Variants in NFATC1 observed in about 807,000 individuals in gnomAD.
The protein encoded by NFATC1 is nuclear factor of activated T-cells, cytoplasmic 1.
In NFATC1, 22 loss-of-function variants were observed where a neutral mutation model predicts 76.0. The ratio of observed to expected loss-of-function variants is 0.29; its 90% CI spans 0.21 to 0.41. The LOEUF (loss-of-function observed/expected upper bound fraction) is 0.41. NFATC1 is among the 10% of genes least tolerant of loss of function. The probability of loss-of-function intolerance (pLI) is 1.00; values close to 1 mark genes in which losing one functional copy is unlikely to be tolerated. For synonymous variants in NFATC1, 704 were observed against 613.1 expected, an observed-to-expected ratio of 1.15 and a Z score of -2.19; for missense variants, 1,357 against 1,337.7, an observed-to-expected ratio of 1.01 and a Z score of -0.23.
At position 79,400,312 on chromosome 18, in the gene NFATC1, G is replaced by C. The variant is rs2085151405; in HGVS notation, c.127+3961G>C. ...GGGGCGGGGGTCACGTTACGCGGAG[G>C]ACGCGCGGGCAGCGCCGGGAGAACC... On this transcript the variant is annotated intron_variant, in intron 1 of 9. Transcript: ENST00000427363. 5.4e-6 allele frequency: 7 copies of C among 1,299,138 alleles called. No homozygotes were observed. The South Asian group carries it at 7.9e-5, about 15-fold the overall frequency. 80.5% of individuals were successfully genotyped at this position (1,299,138 alleles called of 1,614,324 possible). A position where few individuals can be genotyped will look rare whatever the true frequency, so the allele number is the denominator to read the frequency against.
At chr18:79,444,343 CCCCGTTCCT>C (rs1349020387) in intron 3 of NFATC1, among the ~76,000 whole-genome samples, 3 of 152,216 alleles carry the variant, frequency 2.0e-5, no homozygotes, top group Non-Finnish European at 4.4e-5. Context: ...GCCATGGCGT[CCCCGTTCCT>C]CCCGTTCCTT....
chr18:79,411,155 A>T lies in NFATC1; in HGVS notation c.880A>T (p.Ser294Cys). 6.2e-7 allele frequency: 1 copy of T among 1,612,322 alleles called. No individual in the cohort carries two copies. Among genetic ancestry groups the T allele is most frequent in the Non-Finnish European group, 8.5e-7 (1 of 1,179,820 alleles). Residue 294 changes from serine to cysteine, a missense_variant, in exon 2 of 10, where the codon AGC becomes TGC. This residue lies in a region of NFATC1 where 691 missense variants were observed against 613.1 expected (regional missense o/e 1.13). Transcript: ENST00000427363. ...GTCCCCGCACGGCTCCCCGCGGGTC[A>T]GCGTGACCGACGACTCGTGGTTGGG... is the stretch of plus-strand genomic sequence containing the variant. ...TPSPHGSPRV[S>C]VTDDSWLGNT... is the part of the protein sequence containing the mutation.
intron 3 of NFATC1, among the ~76,000 whole-genome samples, chr18:79,443,084 G>T (rs907947226): frequency 1.3e-5 from 2 of 152,192 alleles, no homozygotes; most frequent in Non-Finnish European, 2.9e-5. Flanking sequence ...TTTCAGTCGC[G>T]GCTGGAAGGT....
chr18:79,402,179 T>C (rs896208192), intron 1 of NFATC1, among the ~76,000 whole-genome samples: 1 of 152,264 alleles, frequency 6.6e-6, no homozygotes, highest in African/African-American at 2.4e-5. Context: ...GGCATCCTCC[T>C]GTGACTGCAC....
intron 1 of NFATC1, among the ~76,000 whole-genome samples, chr18:79,406,753 C>T (rs551369563): frequency 8.6e-4 from 131 of 152,196 alleles, no homozygotes; most frequent in African/African-American, 2.8e-3. Context: ...GGCCTGCGCT[C>T]GACAAAACCC....
Position 79,486,619 on chromosome 18 carries a change from C to G in NFATC1, c.2464C>G (p.Leu822Val). Residue 822 changes from leucine (L) to valine (V), a missense_variant, in exon 9 of 10, where the codon CTG (leucine) becomes GTG (valine). By Grantham distance (32) the Leu-to-Val change is conservative. Transcript: ENST00000427363. The part of the protein sequence containing the change: ...GSPGQPPPAL[L>V]PQQVSAPPSS... Reference sequence around the variant, plus strand: ...GCCCGGGCAGCCACCCCCGGCCCTGCTGCCACAGCAGGTGAGTGCGCCTCC... The same window carrying G: ...GCCCGGGCAGCCACCCCCGGCCCTGGTGCCACAGCAGGTGAGTGCGCCTCC... 2.5e-6 allele frequency: 4 copies of G among 1,598,626 alleles called. No homozygotes were observed. Among genetic ancestry groups the G allele is most frequent in the Non-Finnish European group, 3.4e-6 (4 of 1,176,176 alleles).
In NFATC1 at chr18:79,396,045, C is replaced by CT; in HGVS notation, c.-179dup. ...AGGGCTCGGAGCCACCGCGCAGGTCCTAGGGCCGCGGCCGGGCCCCGCCAC... is the reference window on the plus strand; with the variant it reads ...AGGGCTCGGAGCCACCGCGCAGGTCCTTAGGGCCGCGGCCGGGCCCCGCCAC... On this transcript the variant is annotated 5_prime_UTR_variant, in exon 1 of 10. Coordinates refer to ENST00000427363, the MANE Select transcript of NFATC1 (RefSeq NM_001278669.2). The CT allele has an allele frequency of 1.4e-6, 1 of 696,282 alleles. No homozygotes were observed. The highest frequency in any genetic ancestry group is 1.9e-6 in the Non-Finnish European group (1 of 532,416). The allele number at this position is 696,282 out of a possible 1,614,324, so 43.1% of individuals were successfully genotyped here.
intron 9 of NFATC1, among the ~76,000 whole-genome samples, chr18:79,511,205 C>G (rs1466719536): frequency 4.6e-5 from 7 of 152,222 alleles, no homozygotes; most frequent in African/African-American, 1.7e-4. Flanking sequence ...ATAGCCTCCA[C>G]AAGATTAATA....
Position 79,410,316 on chromosome 18 carries a change from G to A in NFATC1, c.128-87G>A, listed in dbSNP as rs2085620652. 1.3e-6 allele frequency: 2 copies of A among 1,522,642 alleles called. No homozygotes were observed. Among genetic ancestry groups the A allele is most frequent in the South Asian group, 2.6e-5 (2 of 78,310 alleles). The allele number at this position is 1,522,642 out of a possible 1,614,324, so 94.3% of individuals were successfully genotyped here. ...CCTTGGGGTCCGTTGGTCGAGGCCG[G>A]GGGTTGCTGGCCGGCCCTGAGTTCA... On this transcript the variant is annotated intron_variant, in intron 1 of 9. Coordinates refer to ENST00000427363, the MANE Select transcript of NFATC1 (RefSeq NM_001278669.2). This position sits in a 1 kb window ranked among gnomAD's most constrained non-coding sequence, Gnocchi z 6.7.
intron 9 of NFATC1, among the ~76,000 whole-genome samples, chr18:79,506,014 T>A (rs2090113941): frequency 1.3e-5 from 2 of 152,186 alleles, no homozygotes; most frequent in Non-Finnish European, 2.9e-5. Flanking sequence ...TCACTGAATT[T>A]TGTGCCCTTC....
At position 79,467,404 on chromosome 18, in the gene NFATC1, G is replaced by A. The variant is rs200125365; in HGVS notation, c.1960-46G>A. 6.5e-4 allele frequency: 970 copies of A among 1,487,134 alleles called. 8 individuals carry two copies. Among genetic ancestry groups the A allele is most frequent in the South Asian group, 4.1e-3 (309 of 74,814 alleles). The allele number at this position is 1,487,134 out of a possible 1,614,324, so 92.1% of individuals were successfully genotyped here. A position where few individuals can be genotyped will look rare whatever the true frequency, so the allele number is the denominator to read the frequency against. On this transcript the variant is annotated intron_variant, in intron 7 of 9. Coordinates refer to ENST00000427363, the MANE Select transcript of NFATC1 (RefSeq NM_001278669.2). Reference sequence around the variant, plus strand: ...TGGCCGCCGTGGCGCGGCAGCCATCGCCTGCCCGGTGCTGATTGTGCCTCC... The same window carrying A: ...TGGCCGCCGTGGCGCGGCAGCCATCACCTGCCCGGTGCTGATTGTGCCTCC...
chr18:79,439,883 G>C (rs1041564450), intron 3 of NFATC1, among the ~76,000 whole-genome samples: 1 of 152,202 alleles, frequency 6.6e-6, no homozygotes, highest in African/African-American at 2.4e-5. Flanking sequence ...GGAGACCAAC[G>C]TGGAATGAGG....
intron 1 of NFATC1, among the ~76,000 whole-genome samples, chr18:79,401,058 C>A (rs945160994): frequency 1.3e-4 from 18 of 141,110 alleles, no homozygotes; most frequent in African/African-American, 4.8e-4. Context: ...TTCATTTTCT[C>A]TTCTCTGTGT....
chr18:79,524,496 G>C lies in NFATC1; in HGVS notation c.2783-3032G>C, dbSNP rs2090697548. Reference sequence around the variant, plus strand: ...CCTGGAGGGTGCCTGGGCTGTGTCTGGTCCCGGCCACGCGTCCCTGCAGCG... The same window carrying C: ...CCTGGAGGGTGCCTGGGCTGTGTCTCGTCCCGGCCACGCGTCCCTGCAGCG... On this transcript the variant is annotated intron_variant, in intron 9 of 9. Coordinates refer to ENST00000427363, the MANE Select transcript of NFATC1 (RefSeq NM_001278669.2). This position sits in a 1 kb window ranked among gnomAD's most constrained non-coding sequence, Gnocchi z 7.2. 1.3e-5 allele frequency among the ~76,000 whole-genome samples: 2 copies of C among 152,214 alleles called. No homozygotes were observed. The highest frequency in any genetic ancestry group is 2.4e-5 in the African/African-American group (1 of 41,460).
chr18:79,514,564 CAAAAAAAAAA>C (rs61341859), intron 9 of NFATC1, among the ~76,000 whole-genome samples: 6 of 47,240 alleles, frequency 1.3e-4, no homozygotes, highest in Middle Eastern at 0.021. Flanking sequence ...GACCCTGCCT[CAAAAAAAAAA>C]AAAAAAAAAA....
At chr18:79,420,143 GTGTTT>G (rs2086021608) in intron 2 of NFATC1, among the ~76,000 whole-genome samples, 1 of 152,208 alleles carries the variant, frequency 6.6e-6, no homozygotes, top group African/African-American at 2.4e-5. Flanking sequence ...TGCGACAGAT[GTGTTT>G]CCAGGCGAGG....
chr18:79,445,204 G>A (rs1351607583), intron 3 of NFATC1, among the ~76,000 whole-genome samples: 1 of 152,244 alleles, frequency 6.6e-6, no homozygotes, highest in Non-Finnish European at 1.5e-5. Context: ...ACCGTGTGCT[G>A]TTGACTCATC....
At chr18:79,514,668 A>G (rs2090336996) in intron 9 of NFATC1, among the ~76,000 whole-genome samples, 1 of 151,212 alleles carries the variant, frequency 6.6e-6, no homozygotes, top group Non-Finnish European at 1.5e-5. Flanking sequence ...GTTTTCTTAC[A>G]TAGCCACAGT....
rs2086954619 is a variant in NFATC1, at chr18:79,441,019, G to A, written c.1386+7281G>A. On this transcript the variant is annotated intron_variant, in intron 3 of 9. Coordinates refer to ENST00000427363, the MANE Select transcript of NFATC1 (RefSeq NM_001278669.2). ...ACCTCCCTCCTCCAGGCAGGACACC[G>A]GGCCTTGTCTGTGGACAGAGGCGCT... 3.3e-5 allele frequency among the ~76,000 whole-genome samples: 5 copies of A among 152,196 alleles called. No individual in the cohort carries two copies. In the South Asian group the frequency reaches 8.3e-4, roughly 25 times the overall value.
Sources: allele counts gnomAD v4.1 joint callset (sites outside exome capture counted in the v4.1 genomes callset), GRCh38; gene constraint gnomAD v4.1.1; regional missense constraint gnomAD v4.1.1; non-coding constraint Gnocchi (gnomAD v3.1); transcripts MANE v1.5; gene names NCBI Gene and HGNC (gene_info 2026-07-23, HGNC 2026-07-21).